Variants in ABCB9 observed in about 807,000 individuals in gnomAD.
ABCB9 encodes ABC-type oligopeptide transporter ABCB9.
In ABCB9, 36 loss-of-function variants were observed where a neutral mutation model predicts 62.0. The ratio of observed to expected loss-of-function variants is 0.58; its 90% CI spans 0.45 to 0.77. ABCB9 has a LOEUF of 0.77. ABCB9 is among the 30% of genes least tolerant of loss of function. The pLI, the probability that ABCB9 is intolerant of heterozygous loss-of-function variation, is 0.00. For missense variants in ABCB9, 943 were observed against 1,054.7 expected (o/e 0.89, Z 1.47); for synonymous variants, 435 against 461.4 (o/e 0.94, Z 0.73).
At chr12:122,926,526 G>A (rs1196654318), downstream of ABCB9, among the ~76,000 whole-genome samples, 2 of 152,080 alleles carry the variant, frequency 1.3e-5, no homozygotes, top group African/African-American at 4.8e-5. Context: ...CAGCCTGGAT[G>A]ACAGAGAGAG....
intron 1 of ABCB9, among the ~76,000 whole-genome samples, chr12:122,971,841 G>A (rs1304390401): frequency 6.6e-6 from 1 of 152,048 alleles, no homozygotes; most frequent in Non-Finnish European, 1.5e-5. Context: ...CATAACAAAT[G>A]TACTGGCTCG....
At position 122,937,091 on chromosome 12, in the gene ABCB9, C is replaced by T. The variant is rs73408840; in HGVS notation, c.1744-1660G>A. ...ACAAAAAGTACATAAATAGTCCAGG[C>T]GCCATGGCTCACTCCCAGCATTTTG... is the stretch of plus-strand genomic sequence containing the variant. On this transcript the variant is annotated intron_variant, in intron 9 of 11. Transcript: ENST00000280560. Among the ~76,000 whole-genome samples, 1,011 of 151,912 alleles carry T rather than the reference C, an allele frequency of 6.7e-3. 15 individuals carry two copies. Among genetic ancestry groups the T allele is most frequent in the African/African-American group, 0.023 (951 of 41,442 alleles).
At position 122,929,287 on chromosome 12, in the gene ABCB9, G is replaced by A; in HGVS notation, c.*624C>T. On this transcript the variant is annotated 3_prime_UTR_variant, in exon 12 of 12. Coordinates refer to ENST00000280560, the MANE Select transcript of ABCB9 (RefSeq NM_019625.4). This position sits in a 1 kb window ranked among gnomAD's most constrained non-coding sequence, Gnocchi z 6.0. Reference sequence around the variant, plus strand: ...CTCACTCCCCCAGTTGAGGTTTCGTGTGGTTCACAGTGAGACTGGCTTAGA... The same window carrying A: ...CTCACTCCCCCAGTTGAGGTTTCGTATGGTTCACAGTGAGACTGGCTTAGA... The A allele has an allele frequency of 1.0e-6, 1 of 986,040 alleles. No individual in the cohort carries two copies. The highest frequency in any genetic ancestry group is 6.1e-5 in the Admixed American group (1 of 16,288). 61.1% of individuals were successfully genotyped at this position (986,040 alleles called of 1,614,324 possible).
At chr12:122,948,961 G>C in intron 4 of ABCB9, 132 bp from the exon 5 acceptor site, 1 of 700,302 alleles carries the variant, frequency 1.4e-6, no homozygotes. Flanking sequence ...GTTGGGGGGT[G>C]GGGGAGAAGA....
chr12:122,920,662 T>C (rs140530486), downstream of ABCB9, among the ~76,000 whole-genome samples: 1,438 of 152,176 alleles, frequency 9.4e-3, 24 homozygotes, highest in African/African-American at 0.033. Context: ...CCCAGTACTT[T>C]GGGAGGCCAA....
rs924976457 is a variant in ABCB9, at chr12:122,930,677, G to A, written c.2041-506C>T. The stretch of plus-strand genomic sequence containing the variant: ...CCTGGCCTCGGCCTCCCAAAGTGCT[G>A]GGATTACAGGTGTGAGCCACCGCGC... On this transcript the variant is annotated intron_variant, in intron 11 of 11. Transcript: ENST00000280560. The surrounding 1 kb of genome is among the most constrained non-coding windows in gnomAD (Gnocchi z 4.9). 2.6e-5 allele frequency among the ~76,000 whole-genome samples: 4 copies of A among 151,922 alleles called. No individual in the cohort carries two copies. The highest frequency in any genetic ancestry group is 5.9e-5 in the Non-Finnish European group (4 of 67,986).
In ABCB9 at chr12:122,940,865, AC is replaced by A; in HGVS notation, c.1510del (p.Val504TrpfsTer6). 2 of 1,611,604 alleles carry A rather than the reference AC, an allele frequency of 1.2e-6. No homozygotes were observed. Among genetic ancestry groups the A allele is most frequent in the Non-Finnish European group, 1.7e-6 (2 of 1,178,828 alleles). ...GGTGAAGGTCACATTCTCAAAGTCC[AC>A]CCGGCCCTCCAGGTGGTCGGGGGCC... ...SLAPDHLEGRVDFENVTFTYR... is the reference protein window; with the variant it reads ...SLAPDHLEGRXDFENVTFTYR... On this transcript the variant is annotated frameshift_variant, in exon 8 of 12. Transcript: ENST00000280560. LOFTEE classifies it high-confidence loss of function. This position sits in a 1 kb window ranked among gnomAD's most constrained non-coding sequence, Gnocchi z 4.8.
chr12:122,961,698 T>C (rs2036917595), intron 1 of ABCB9, among the ~76,000 whole-genome samples: 1 of 152,152 alleles, frequency 6.6e-6, no homozygotes, highest in Non-Finnish European at 1.5e-5. Flanking sequence ...GGGGAGTATC[T>C]GGAGGATTTT....
At chr12:122,967,480 A>T (rs943185300), upstream of ABCB9, among the ~76,000 whole-genome samples, 4 of 152,168 alleles carry the variant, frequency 2.6e-5, no homozygotes, top group Admixed American at 6.6e-5. Context: ...AACTGCCCAC[A>T]TCCCTGGATC....
chr12:122,944,310 G>GCC lies in ABCB9; in HGVS notation c.1380+79_1380+80dup. 8 of 1,513,402 alleles carry GCC rather than the reference G, an allele frequency of 5.3e-6. No homozygotes were observed. Among genetic ancestry groups the GCC allele is most frequent in the Admixed American group, 1.9e-5 (1 of 51,898 alleles). The allele number at this position is 1,513,402 out of a possible 1,614,324, so 93.7% of individuals were successfully genotyped here. On this transcript the variant is annotated intron_variant, in intron 7 of 11. Coordinates refer to ENST00000280560, the MANE Select transcript of ABCB9 (RefSeq NM_019625.4). The surrounding 1 kb of genome is among the most constrained non-coding windows in gnomAD (Gnocchi z 4.9). ...ATACCACATTGTCAGAGTCCCTGGA[G>GCC]CCCCGCCCCCACCCTGTTAAGATCC...
chr12:122,953,004 T>A (rs566721670), intron 2 of ABCB9: 3 of 152,292 alleles, frequency 2.0e-5, no homozygotes, highest in Admixed American at 1.3e-4. Flanking sequence ...CCCCTTCTCA[T>A]CCAGTGAGAT....
chr12:122,924,428 G>A (rs929138525), downstream of ABCB9: 5 of 295,736 alleles, frequency 1.7e-5, no homozygotes, highest in Admixed American at 4.4e-5. Flanking sequence ...GCAGTGGCAC[G>A]ATCATAGCCC....
chr12:122,945,495 C>A (rs1326934642), intron 6 of ABCB9, among the ~76,000 whole-genome samples: 2 of 152,176 alleles, frequency 1.3e-5, no homozygotes, highest in African/African-American at 2.4e-5. Flanking sequence ...CTCCCCACCT[C>A]AGCAAGGATG....
intron 5 of ABCB9, 23 bp downstream of exon 5, chr12:122,948,601 C>T (rs896570761): frequency 6.3e-7 from 1 of 1,591,934 alleles, no homozygotes; most frequent in Non-Finnish European, 8.6e-7. Flanking sequence ...GCACAGTCCC[C>T]AGCAGAGACA....
In ABCB9 at chr12:122,940,061, G is replaced by T; in HGVS notation, c.1743+50C>A. 1 of 1,565,420 alleles carries T rather than the reference G, an allele frequency of 6.4e-7. No individual in the cohort carries two copies. The highest frequency in any genetic ancestry group is 8.7e-7 in the Non-Finnish European group (1 of 1,152,988). ...ACCTGTTACAGCTCACAAGAAAGACGGTTAGATGCAGAAAGGGCGGAGAAG... is the reference window on the plus strand; with the variant it reads ...ACCTGTTACAGCTCACAAGAAAGACTGTTAGATGCAGAAAGGGCGGAGAAG... On this transcript the variant is annotated intron_variant, in intron 9 of 11. Coordinates refer to ENST00000280560, the MANE Select transcript of ABCB9 (RefSeq NM_019625.4). This position sits in a 1 kb window ranked among gnomAD's most constrained non-coding sequence, Gnocchi z 4.8.
intron 3 of ABCB9, among the ~76,000 whole-genome samples, 178 bp from the exon 4 acceptor site, chr12:122,950,096 G>A (rs975273556): frequency 3.3e-5 from 5 of 152,158 alleles, no homozygotes; most frequent in African/African-American, 1.2e-4. Flanking sequence ...TGAGGGCAAA[G>A]GGGACAGTTG....
At position 122,935,279 on chromosome 12, in the gene ABCB9, G is replaced by A. The variant is rs2035401395; in HGVS notation, c.1896C>T (p.Tyr632=). 2.5e-6 allele frequency: 4 copies of A among 1,608,126 alleles called. No individual in the cohort carries two copies. In the South Asian group the frequency reaches 4.4e-5, roughly 18 times the overall value. Residue 632 remains tyrosine, a synonymous_variant, in exon 10 of 12, where the codon TAC becomes TAT. Transcript: ENST00000280560. ...CCACCCCCAGCTCCACACCTGTGCT[G>A]TAGCCGTCCTGGAGTTCCATGATGA... ...HGFIMELQDG[Y]STETGEKGAQ...
intron 11 of ABCB9, among the ~76,000 whole-genome samples, chr12:122,922,969 C>A (rs554180951): frequency 8.6e-5 from 13 of 151,846 alleles, no homozygotes; most frequent in African/African-American, 2.9e-4. Flanking sequence ...AATTTTTCTT[C>A]TTCTTTTTTT....
rs2035410838 is a variant in ABCB9 at position 122,935,410 on chromosome 12, G to C, written c.1765C>G (p.Pro589Ala). ...GTGATGGAGCGGGCGAACAGCACGG[G>C]CTCCTGGCTCACCAGGGAGATCTGG... ...HRVISLVSQE[P>A]VLFARSITDN... Residue 589 changes from proline (P) to alanine (A), a missense_variant, in exon 10 of 12, where the codon CCC becomes GCC. By Grantham distance (27) the Pro-to-Ala change is conservative (BLOSUM62 -1). Coordinates refer to ENST00000280560, the MANE Select transcript of ABCB9 (RefSeq NM_019625.4). 1 of 1,613,606 alleles carries C rather than the reference G, an allele frequency of 6.2e-7. No individual in the cohort carries two copies. Among genetic ancestry groups the C allele is most frequent in the African/African-American group, 1.3e-5 (1 of 74,914 alleles).
Sources: gnomAD v4.1 joint callset for allele counts (sites outside exome capture counted in the v4.1 genomes callset) on GRCh38, gnomAD v4.1.1 for gene constraint, Gnocchi (gnomAD v3.1) non-coding constraint, MANE v1.5 for transcripts, NCBI Gene and HGNC (gene_info 2026-07-23, HGNC 2026-07-21) for gene names.